Variants in TEAD4 observed in about 807,000 individuals in gnomAD.
TEAD4 encodes the protein TEA domain transcription factor 4.
TEAD4 carries 36 observed loss-of-function variants against 52.4 expected under a neutral mutation model. The observed-to-expected ratio is 0.69, with a 90% CI of 0.53 to 0.91. The LOEUF (loss-of-function observed/expected upper bound fraction) is 0.91. TEAD4 is among the 40% of genes least tolerant of loss of function. The probability of loss-of-function intolerance (pLI) is 0.00; values close to 1 mark genes in which losing one functional copy is unlikely to be tolerated. For missense variants in TEAD4, 508 were observed against 583.9 expected (o/e 0.87, Z 1.34); for synonymous variants, 220 against 231.0 (o/e 0.95, Z 0.43).
chr12:2,992,785 G>C (rs957640285), intron 2 of TEAD4, among the ~76,000 whole-genome samples: 1 of 152,116 alleles, frequency 6.6e-6, no homozygotes, highest in Non-Finnish European at 1.5e-5. Flanking sequence ...TGGGAGGTAC[G>C]TGGTTCCCAG....
intron 2 of TEAD4, among the ~76,000 whole-genome samples, chr12:2,981,164 G>A (rs1471875668): frequency 6.6e-6 from 1 of 152,210 alleles, no homozygotes; most frequent in East Asian, 1.9e-4. Context: ...AGTGTCCAGG[G>A]CACCTCTTTG....
chr12:2,961,402 T>A (rs1217330568), intron 2 of TEAD4, among the ~76,000 whole-genome samples: 2 of 152,016 alleles, frequency 1.3e-5, no homozygotes, highest in Non-Finnish European at 2.9e-5. Context: ...AGAAACTGTC[T>A]CGGGGGTTGG....
At chr12:2,963,350 C>T (rs1177238242) in intron 2 of TEAD4, among the ~76,000 whole-genome samples, 1 of 152,188 alleles carries the variant, frequency 6.6e-6, no homozygotes, top group Admixed American at 6.5e-5. Context: ...GCCTTTCCTG[C>T]AGTTGAGGTC....
chr12:2,967,264 T>G (rs575254281), intron 2 of TEAD4, among the ~76,000 whole-genome samples: 2 of 152,346 alleles, frequency 1.3e-5, no homozygotes, highest in South Asian at 4.1e-4. Flanking sequence ...TTTGTGTTCA[T>G]GCAAATCTAT....
intron 10 of TEAD4, among the ~76,000 whole-genome samples, chr12:3,036,055 C>T (rs1313405214): frequency 1.3e-5 from 2 of 152,052 alleles, no homozygotes; most frequent in Non-Finnish European, 2.9e-5. Context: ...GAGACTGAGG[C>T]CAGCTCAGGG....
chr12:3,001,379 C>T (rs189241204), intron 3 of TEAD4, among the ~76,000 whole-genome samples: 54 of 152,282 alleles, frequency 3.5e-4, no homozygotes, highest in Middle Eastern at 6.8e-3. Context: ...AATTCTGTAC[C>T]CATTAAACAA....
chr12:3,019,210 T>C, intron 8 of TEAD4, 40 bp downstream of exon 8: 8 of 1,610,106 alleles, frequency 5.0e-6, no homozygotes, highest in Non-Finnish European at 6.8e-6. Context: ...ATCGCAGCCA[T>C]GTGGCTCCTG....
At chr12:3,023,998 G>A (rs2098270458) in intron 10 of TEAD4, among the ~76,000 whole-genome samples, 1 of 151,846 alleles carries the variant, frequency 6.6e-6, no homozygotes, top group South Asian at 2.1e-4. Flanking sequence ...GAAAAAATTA[G>A]CTGTGTTACA....
intron 4 of TEAD4, 34 bp downstream of exon 4, chr12:3,011,102 G>T: frequency 1.2e-6 from 2 of 1,612,154 alleles, no homozygotes; most frequent in Non-Finnish European, 1.7e-6. Flanking sequence ...GGTCCCGGGG[G>T]TGGTACCCCA....
At chr12:2,964,869 G>A (rs1032954161) in intron 2 of TEAD4, among the ~76,000 whole-genome samples, 4 of 152,048 alleles carry the variant, frequency 2.6e-5, no homozygotes, top group African/African-American at 7.2e-5. Flanking sequence ...TGTAAGGGTC[G>A]ACCAGACTTT....
intron 2 of TEAD4, among the ~76,000 whole-genome samples, chr12:2,977,447 C>G (rs11612559): frequency 9.0e-4 from 137 of 152,174 alleles, no homozygotes; most frequent in East Asian, 2.3e-3. Flanking sequence ...GGGCCTCCCC[C>G]CCTCTCACCT....
intron 3 of TEAD4, among the ~76,000 whole-genome samples, chr12:3,005,037 C>T (rs979204229): frequency 5.9e-5 from 9 of 152,198 alleles, no homozygotes; most frequent in African/African-American, 2.2e-4. Flanking sequence ...GGAGGAAGCT[C>T]CACAGACAGC....
chr12:2,978,066 T>A (rs2098231183), intron 2 of TEAD4, among the ~76,000 whole-genome samples: 1 of 152,170 alleles, frequency 6.6e-6, no homozygotes, highest in African/African-American at 2.4e-5. Flanking sequence ...CTGGGGACTC[T>A]CCTGTCCTTC....
At chr12:3,000,115 A>C (rs1046378917) in intron 3 of TEAD4, among the ~76,000 whole-genome samples, 1 of 151,956 alleles carries the variant, frequency 6.6e-6, no homozygotes, top group African/African-American at 2.4e-5. Context: ...CCACAACTTC[A>C]TGGTCTAATG....
rs749911955 is a variant in TEAD4 at position 3,038,062 on chromosome 12, C to T, written c.992C>T (p.Ser331Phe). 19 of 1,613,968 alleles carry T rather than the reference C, an allele frequency of 1.2e-5. No homozygotes were observed. Among genetic ancestry groups the T allele is most frequent in the Admixed American group, 5.0e-5 (3 of 60,024 alleles). The change falls in exon 11 of 13, where the codon TCC becomes TTC. Residue 331 changes from serine to phenylalanine, a missense_variant. Ser to Phe is a radical substitution (Grantham distance 155, BLOSUM62 -2). Coordinates refer to ENST00000359864, the MANE Select transcript of TEAD4 (RefSeq NM_003213.4). ...CCCGAGAACATGATCATCACCTGCT[C>T]CACGAAGGTCTGCTCTTTCGGCAAG...
intron 2 of TEAD4, among the ~76,000 whole-genome samples, chr12:2,967,270 T>G (rs1476660150): frequency 2.6e-5 from 4 of 152,186 alleles, no homozygotes; most frequent in Admixed American, 6.5e-5. Flanking sequence ...TTCATGCAAA[T>G]CTATATATTT....
At chr12:3,026,518 A>G (rs2098272212) in intron 10 of TEAD4, among the ~76,000 whole-genome samples, 2 of 152,196 alleles carry the variant, frequency 1.3e-5, no homozygotes, top group Non-Finnish European at 2.9e-5. Flanking sequence ...AGTTCCAGCC[A>G]CTGTAGCCAT....
intron 2 of TEAD4, among the ~76,000 whole-genome samples, chr12:2,977,968 A>G (rs2098231121): frequency 6.6e-6 from 1 of 152,198 alleles, no homozygotes; most frequent in Admixed American, 6.5e-5. Context: ...GGCCCGGCCC[A>G]GCCCAACCAA....
At chr12:3,008,078 C>T (rs911681072) in intron 3 of TEAD4, among the ~76,000 whole-genome samples, 4 of 152,104 alleles carry the variant, frequency 2.6e-5, no homozygotes, top group African/African-American at 7.2e-5. Flanking sequence ...AATCCCTATT[C>T]GCATGGACTG....
Sources: allele counts gnomAD v4.1 joint callset (sites outside exome capture counted in the v4.1 genomes callset), GRCh38; gene constraint gnomAD v4.1.1; transcripts MANE v1.5; gene names NCBI Gene and HGNC (gene_info 2026-07-23, HGNC 2026-07-21).